Variants in VEPH1 observed in about 807,000 individuals in gnomAD.
VEPH1 encodes ventricular zone expressed PH domain containing 1.
VEPH1 carries 80 observed loss-of-function variants against 85.2 expected under a neutral mutation model. The ratio of observed to expected loss-of-function variants is 0.94; its 90% CI spans 0.78 to 1.13. The LOEUF (loss-of-function observed/expected upper bound fraction) is 1.13, where lower values mean the gene tolerates loss of function less well. Ranked by LOEUF, VEPH1 falls within the 50% of genes most tolerant of loss-of-function variation. The pLI is 0.00. For synonymous variants in VEPH1, 297 were observed against 348.0 expected, an observed-to-expected ratio of 0.85 and a Z score of 1.63; for missense variants, 955 against 980.5, an observed-to-expected ratio of 0.97 and a Z score of 0.35.
chr3:157,502,972 C>T (rs561127409), intron 1 of VEPH1, among the ~76,000 whole-genome samples: 15 of 152,266 alleles, frequency 9.9e-5, no homozygotes, highest in South Asian at 6.2e-4. Context: ...TAGATTATTA[C>T]GGAGTAAAAC....
chr3:157,391,171 C>T (rs1392594000), intron 6 of VEPH1, among the ~76,000 whole-genome samples: 1 of 152,238 alleles, frequency 6.6e-6, no homozygotes, highest in Non-Finnish European at 1.5e-5. Flanking sequence ...GAGTCAAGCA[C>T]AGCCTGCCAG....
intron 9 of VEPH1, among the ~76,000 whole-genome samples, chr3:157,320,436 C>A (rs994684253): frequency 6.6e-6 from 1 of 152,082 alleles, no homozygotes; most frequent in African/African-American, 2.4e-5. Context: ...ACCCTGAAAG[C>A]AATCACATAA....
chr3:157,500,261 T>C (rs928915508), intron 1 of VEPH1, among the ~76,000 whole-genome samples: 32 of 152,290 alleles, frequency 2.1e-4, no homozygotes, highest in Admixed American at 5.9e-4. Flanking sequence ...AAAAGCAAGG[T>C]TTTTAAGACT....
At chr3:157,401,292 C>T (rs1730773613) in intron 6 of VEPH1, among the ~76,000 whole-genome samples, 1 of 151,860 alleles carries the variant, frequency 6.6e-6, no homozygotes, top group Non-Finnish European at 1.5e-5. Context: ...AACTTTTTGC[C>T]AGGAAAAAAG....
At chr3:157,493,602 C>T (rs1739410308) in intron 2 of VEPH1, among the ~76,000 whole-genome samples, 2 of 152,162 alleles carry the variant, frequency 1.3e-5, no homozygotes, top group African/African-American at 4.8e-5. Flanking sequence ...ATGAAGAAGA[C>T]ACACGAACTC....
At chr3:157,467,781 T>A (rs1305057124) in intron 3 of VEPH1, among the ~76,000 whole-genome samples, 4 of 152,234 alleles carry the variant, frequency 2.6e-5, no homozygotes. Context: ...CTTGTCCCTC[T>A]TAACCAAGGA....
chr3:157,285,455 A>G (rs1390998685), intron 12 of VEPH1, among the ~76,000 whole-genome samples: 1 of 152,238 alleles, frequency 6.6e-6, no homozygotes, highest in Admixed American at 6.5e-5. Context: ...AGTTAACAAG[A>G]GGACAGACTT....
chr3:157,272,380 TTTCTTTCTTTCTTTC>T (rs765549406), intron 12 of VEPH1, among the ~76,000 whole-genome samples: 103 of 99,252 alleles, frequency 1.0e-3, no homozygotes, highest in East Asian at 5.4e-3. Context: ...CTTTCTTTTC[TTTCTTTCTTTCTTTC>T]TTTCTTTCTT....
intron 7 of VEPH1, among the ~76,000 whole-genome samples, chr3:157,377,389 G>A (rs1395162502): frequency 6.6e-6 from 1 of 151,498 alleles, no homozygotes; most frequent in East Asian, 1.9e-4. Flanking sequence ...TTTCATAGTG[G>A]GACCTTATTT....
intron 9 of VEPH1, among the ~76,000 whole-genome samples, chr3:157,329,545 C>T (rs1722279895): frequency 6.6e-6 from 1 of 151,814 alleles, no homozygotes; most frequent in African/African-American, 2.4e-5. Context: ...TCATGTATAA[C>T]TTATTTCATT....
At chr3:157,333,176 T>A (rs1044346928) in intron 9 of VEPH1, among the ~76,000 whole-genome samples, 4 of 152,216 alleles carry the variant, frequency 2.6e-5, no homozygotes, top group African/African-American at 9.6e-5. Flanking sequence ...ATTGAACTTA[T>A]CTTTAAATGA....
At chr3:157,366,320 A>C (rs1003452190) in intron 7 of VEPH1, among the ~76,000 whole-genome samples, 2 of 152,206 alleles carry the variant, frequency 1.3e-5, no homozygotes, top group African/African-American at 4.8e-5. Flanking sequence ...GCCCAGACTT[A>C]GAGAAAAATC....
rs1326547245 is a variant in VEPH1, at chr3:157,381,238, T to C, written c.1045A>G (p.Ile349Val). ...GTGAAGCTGTTGCTCATGCGGAAGATGTCTCTGCTCTGAGGGCCCAAGATT... is the reference window on the plus strand; with the variant it reads ...GTGAAGCTGTTGCTCATGCGGAAGACGTCTCTGCTCTGAGGGCCCAAGATT... ...SSILGPQSRD[I>V]FRMSNSFTAI... is the part of the protein sequence containing the mutation. The change falls in exon 7 of 14, where the codon ATC becomes GTC. Residue 349 changes from isoleucine (I) to valine (V), a missense_variant. Physicochemically the swap from Ile to Val is conservative, Grantham distance 29 (BLOSUM62 3). Transcript: ENST00000362010. The C allele has an allele frequency of 2.5e-6, 4 of 1,613,942 alleles. No homozygotes were observed. Among genetic ancestry groups the C allele is most frequent in the African/African-American group, 2.7e-5 (2 of 74,892 alleles).
At chr3:157,339,179 C>G (rs1723262244) in intron 9 of VEPH1, among the ~76,000 whole-genome samples, 1 of 152,158 alleles carries the variant, frequency 6.6e-6, no homozygotes, top group Non-Finnish European at 1.5e-5. Context: ...ATTGGAAAAC[C>G]AAACAAGGCA....
chr3:157,490,570 A>G (rs1739136444), intron 2 of VEPH1, among the ~76,000 whole-genome samples: 1 of 152,176 alleles, frequency 6.6e-6, no homozygotes, highest in African/African-American at 2.4e-5. Context: ...AAACAATTAC[A>G]TGCTGCTTCA....
At chr3:157,372,406 G>A (rs1342983012) in intron 7 of VEPH1, among the ~76,000 whole-genome samples, 23 of 152,268 alleles carry the variant, frequency 1.5e-4, no homozygotes, top group Admixed American at 1.2e-3. Flanking sequence ...CTATAGCAAA[G>A]TTTATCTAAC....
At chr3:157,391,992 A>G (rs1729903048) in intron 6 of VEPH1, among the ~76,000 whole-genome samples, 1 of 152,234 alleles carries the variant, frequency 6.6e-6, no homozygotes, top group Admixed American at 6.5e-5. Context: ...AAAGCTTCAT[A>G]AATGAAGGAG....
intron 4 of VEPH1, among the ~76,000 whole-genome samples, chr3:157,431,013 A>T (rs1259982375): frequency 2.6e-5 from 4 of 152,112 alleles, no homozygotes; most frequent in Non-Finnish European, 5.9e-5. Flanking sequence ...CCGTGTCCCC[A>T]CCTAAATCTC....
At chr3:157,416,961 C>G (rs1013778440) in intron 5 of VEPH1, among the ~76,000 whole-genome samples, 1 of 151,802 alleles carries the variant, frequency 6.6e-6, no homozygotes, top group Non-Finnish European at 1.5e-5. Context: ...AAGCTCAAGG[C>G]AAATACATAC....
Sources: allele counts gnomAD v4.1 joint callset (sites outside exome capture counted in the v4.1 genomes callset), GRCh38; gene constraint gnomAD v4.1.1; transcripts MANE v1.5; gene names NCBI Gene and HGNC (gene_info 2026-07-23, HGNC 2026-07-21).